Variants in MAGI3 observed in about 807,000 individuals in gnomAD.
The protein encoded by MAGI3 is membrane-associated guanylate kinase, WW and PDZ domain-containing protein 3.
In MAGI3, 43 loss-of-function variants were observed where a neutral mutation model predicts 121.8. The observed-to-expected ratio is 0.35, with a 90% CI of 0.28 to 0.46. The LOEUF (loss-of-function observed/expected upper bound fraction) is 0.46. Among genes scored for constraint, MAGI3 ranks in the 20% least tolerant of loss-of-function variants. The pLI is 1.00. For synonymous variants in MAGI3, 553 were observed against 639.3 expected (o/e 0.86, Z 2.04); for missense variants, 1,547 against 1,797.3 (o/e 0.86, Z 2.52).
chr1:113,646,836 GC>G (rs1182851418), intron 12 of MAGI3, among the ~76,000 whole-genome samples, 194 bp downstream of exon 12: 13 of 152,004 alleles, frequency 8.6e-5, no homozygotes, highest in Non-Finnish European at 4.4e-5. Context: ...TGCTTTAAGT[GC>G]TAGTTATCTA....
intron 1 of MAGI3, among the ~76,000 whole-genome samples, chr1:113,483,346 G>A (rs915117605): frequency 1.3e-5 from 2 of 152,084 alleles, no homozygotes; most frequent in Admixed American, 6.6e-5. Context: ...ATGATATCTG[G>A]GGATTGAGGC....
rs538743729 is a variant in MAGI3 at position 113,651,298 on chromosome 1, T to A, written c.2440+92T>A. ...TAGTTTTGCAGGTTATTTTATTACATTCAGTAGTATCTAAGATAACCCATT... is the reference window on the plus strand; with the variant it reads ...TAGTTTTGCAGGTTATTTTATTACAATCAGTAGTATCTAAGATAACCCATT... On this transcript the variant is annotated intron_variant, in intron 14 of 20. Coordinates refer to ENST00000307546, the MANE Select transcript of MAGI3 (RefSeq NM_001142782.2). 3.7e-5 allele frequency: 45 copies of A among 1,209,918 alleles called. No homozygotes were observed. The African/African-American group carries it at 6.3e-4, about 17-fold the overall frequency. The allele number at this position is 1,209,918 out of a possible 1,614,324, so 74.9% of individuals were successfully genotyped here.
chr1:113,548,427 A>G (rs1030184735), intron 1 of MAGI3, among the ~76,000 whole-genome samples: 1 of 152,210 alleles, frequency 6.6e-6, no homozygotes, highest in African/African-American at 2.4e-5. Flanking sequence ...AATAATAGAA[A>G]ATTTTTGACT....
At chr1:113,606,671 T>C (rs551196474) in intron 6 of MAGI3, among the ~76,000 whole-genome samples, 11 of 152,280 alleles carry the variant, frequency 7.2e-5, no homozygotes, top group African/African-American at 2.6e-4. Context: ...AATAAGCTTA[T>C]TTAAAACTAA....
intron 1 of MAGI3, among the ~76,000 whole-genome samples, chr1:113,519,621 A>G (rs1370482338): frequency 6.6e-6 from 1 of 152,198 alleles, no homozygotes; most frequent in Non-Finnish European, 1.5e-5. Flanking sequence ...AAATGGTGCA[A>G]AGACCAAGGA....
At chr1:113,533,791 T>C (rs888626181) in intron 1 of MAGI3, among the ~76,000 whole-genome samples, 28 of 151,494 alleles carry the variant, frequency 1.8e-4, no homozygotes, top group Admixed American at 1.7e-3. Context: ...TTTTCTTTTT[T>C]TTTTTTTTTG....
intron 2 of MAGI3, among the ~76,000 whole-genome samples, chr1:113,574,392 A>G (rs1460484679): frequency 6.6e-6 from 1 of 152,190 alleles, no homozygotes; most frequent in Non-Finnish European, 1.5e-5. Context: ...GTTGGTGACA[A>G]AATCCCTCAG....
At chr1:113,453,431 T>C (rs559478130) in intron 1 of MAGI3, among the ~76,000 whole-genome samples, 6 of 152,306 alleles carry the variant, frequency 3.9e-5, no homozygotes, top group Admixed American at 3.3e-4. Context: ...TTCCAAAGCT[T>C]TCAGTGTTTT....
chr1:113,569,119 A>G (rs998115305), intron 2 of MAGI3, among the ~76,000 whole-genome samples: 5 of 152,164 alleles, frequency 3.3e-5, no homozygotes, highest in African/African-American at 1.2e-4. Context: ...ACTAGTTTCT[A>G]TGCCATTTTC....
intron 1 of MAGI3, among the ~76,000 whole-genome samples, chr1:113,488,203 T>C (rs559031444): frequency 6.6e-6 from 1 of 152,358 alleles, no homozygotes; most frequent in South Asian, 2.1e-4. Context: ...TTATTCTGTA[T>C]ATGCTCAGAG....
intron 1 of MAGI3, among the ~76,000 whole-genome samples, chr1:113,503,529 A>G (rs952412703): frequency 6.6e-6 from 1 of 151,970 alleles, no homozygotes; most frequent in Non-Finnish European, 1.5e-5. Context: ...TTCTCTCTGT[A>G]TATATTTATA....
At chr1:113,512,083 CA>C (rs1191611764) in intron 1 of MAGI3, among the ~76,000 whole-genome samples, 1 of 152,172 alleles carries the variant, frequency 6.6e-6, no homozygotes, top group South Asian at 2.1e-4. Context: ...CAAATGCCAA[CA>C]TTTTTTTCAC....
chr1:113,556,370 C>T lies in MAGI3; in HGVS notation c.433+6739C>T, dbSNP rs558206410. ...TATCCGGAGGCCGGGTGCAGTGGCT[C>T]ATGCCTGTAATCCCAGTGCTTTGGG... On this transcript the variant is annotated intron_variant, in intron 2 of 20. Coordinates refer to ENST00000307546, the MANE Select transcript of MAGI3 (RefSeq NM_001142782.2). Among the ~76,000 whole-genome samples the T allele has an allele frequency of 2.3e-4, 35 of 152,186 alleles. No homozygotes were observed. The South Asian group carries it at 3.1e-3, about 14-fold the overall frequency.
At chr1:113,577,168 G>A (rs1253642837) in intron 2 of MAGI3, among the ~76,000 whole-genome samples, 2 of 152,154 alleles carry the variant, frequency 1.3e-5, no homozygotes, top group Non-Finnish European at 2.9e-5. Flanking sequence ...AGGTTTTTGA[G>A]GTCCTGGTAA....
chr1:113,579,494 T>G (rs1335713484), intron 2 of MAGI3, among the ~76,000 whole-genome samples: 1 of 152,118 alleles, frequency 6.6e-6, no homozygotes, highest in East Asian at 1.9e-4. Flanking sequence ...GTAAAATGTG[T>G]TGTTATAGAA....
In MAGI3 at chr1:113,422,563, C is replaced by T. The variant is rs928448634; in HGVS notation, c.316+31214C>T. 6.6e-6 allele frequency among the ~76,000 whole-genome samples: 1 copy of T among 152,244 alleles called. No homozygotes were observed. Among genetic ancestry groups the T allele is most frequent in the Non-Finnish European group, 1.5e-5 (1 of 68,044 alleles). ...TGCGCACAGACAGGCATGCCAGCTG[C>T]TGCGGGGCAGGGTGGCGGGGCAGGC... On this transcript the variant is annotated intron_variant, in intron 1 of 20. Transcript: ENST00000307546. The surrounding 1 kb of genome is among the most constrained non-coding windows in gnomAD (Gnocchi z 4.3).
intron 20 of MAGI3, chr1:113,682,416 A>C (rs1434976633): frequency 6.4e-6 from 9 of 1,409,546 alleles, no homozygotes; most frequent in African/African-American, 1.5e-5. Context: ...TTCTTTTGAC[A>C]TTAAATTTGA....
At chr1:113,581,586 C>T (rs1648028321) in intron 3 of MAGI3, among the ~76,000 whole-genome samples, 1 of 152,086 alleles carries the variant, frequency 6.6e-6, no homozygotes, top group African/African-American at 2.4e-5. Flanking sequence ...TTCACTTTCA[C>T]CACCTCATTG....
chr1:113,642,375 T>C lies in MAGI3; in HGVS notation c.1825T>C (p.Trp609Arg), dbSNP rs1297787343. The C allele has an allele frequency of 6.2e-7, 1 of 1,614,122 alleles. No homozygotes were observed. Among genetic ancestry groups the C allele is most frequent in the Admixed American group, 1.7e-5 (1 of 60,022 alleles). ...QKVKMILDSQWCQGLQKGDII... is the reference protein window; with the variant it reads ...QKVKMILDSQRCQGLQKGDII... ...GGTGAAAATGATACTGGATAGTCAG[T>C]GGTGTCAAGGCCTTCAGAAAGGAGA... The change falls in exon 10 of 21, where the codon TGG (tryptophan) becomes CGG (arginine). Residue 609 changes from tryptophan to arginine, a missense_variant. By Grantham distance (101) the Trp-to-Arg change is moderately radical. Transcript: ENST00000307546.
Sources: allele counts gnomAD v4.1 joint callset (sites outside exome capture counted in the v4.1 genomes callset), GRCh38; gene constraint gnomAD v4.1.1; non-coding constraint Gnocchi (gnomAD v3.1); transcripts MANE v1.5; gene names NCBI Gene and HGNC (gene_info 2026-07-23, HGNC 2026-07-21).